SGCZ: variants seen among roughly 807,000 people sequenced by gnomAD.
SGCZ encodes sarcoglycan zeta.
A neutral mutation model predicts 41.3 loss-of-function variants in SGCZ; 40 were observed. That is an observed-to-expected ratio of 0.97 (90% CI 0.75 to 1.26). The LOEUF (loss-of-function observed/expected upper bound fraction) is 1.26. SGCZ is among the 50% of genes most tolerant of loss of function. The probability of loss-of-function intolerance (pLI) is 0.00; values close to 1 mark genes in which losing one functional copy is unlikely to be tolerated. For missense variants in SGCZ, 552 were observed against 369.8 expected (o/e 1.49, Z -4.04); for synonymous variants, 206 against 137.5 (o/e 1.50, Z -3.49).
intron 1 of SGCZ, among the ~76,000 whole-genome samples, chr8:15,065,447 TTA>T (rs1220497002): frequency 1.4e-5 from 2 of 148,030 alleles, no homozygotes; most frequent in Non-Finnish European, 3.0e-5. Flanking sequence ...ATTATTATTA[TTA>T]TTATTATTAT....
intron 1 of SGCZ, among the ~76,000 whole-genome samples, chr8:14,631,469 A>G (rs752718536): frequency 6.6e-6 from 1 of 152,026 alleles, no homozygotes; most frequent in African/African-American, 2.4e-5. Context: ...AGAAATTAGC[A>G]ACTACTTCAA....
At chr8:14,561,776 T>C (rs1168569131) in intron 1 of SGCZ, among the ~76,000 whole-genome samples, 1 of 152,140 alleles carries the variant, frequency 6.6e-6, no homozygotes, top group South Asian at 2.1e-4. Context: ...CACTTTGAAA[T>C]TTCTCTACAA....
At chr8:15,201,699 C>T (rs1261371583) in intron 1 of SGCZ, among the ~76,000 whole-genome samples, 3 of 152,176 alleles carry the variant, frequency 2.0e-5, no homozygotes, top group Non-Finnish European at 4.4e-5. Flanking sequence ...ACTGCAATTA[C>T]ACAACTGGAA....
At chr8:14,290,321 A>G (rs1047293107) in intron 3 of SGCZ, among the ~76,000 whole-genome samples, 1 of 63,180 alleles carries the variant, frequency 1.6e-5, no homozygotes, top group Non-Finnish European at 4.2e-5. Context: ...AGGCAACAAA[A>G]GAAAATATAG....
intron 1 of SGCZ, among the ~76,000 whole-genome samples, chr8:14,621,796 A>G (rs1806295203): frequency 6.6e-6 from 1 of 152,018 alleles, no homozygotes; most frequent in Non-Finnish European, 1.5e-5. Context: ...TCCCCTGACA[A>G]GTTGGGATTA....
intron 7 of SGCZ, among the ~76,000 whole-genome samples, chr8:14,092,851 A>G (rs1257746351): frequency 6.6e-6 from 1 of 152,060 alleles, no homozygotes; most frequent in Non-Finnish European, 1.5e-5. Context: ...CCAATACAGT[A>G]GCTAATCAGC....
intron 1 of SGCZ, among the ~76,000 whole-genome samples, chr8:15,096,994 T>G (rs1396921679): frequency 2.0e-5 from 3 of 152,088 alleles, no homozygotes; most frequent in Non-Finnish European, 4.4e-5. Flanking sequence ...CTTATTTTAT[T>G]TTTTGAGATG....
intron 1 of SGCZ, among the ~76,000 whole-genome samples, chr8:15,231,222 C>T (rs1016109087): frequency 6.6e-6 from 1 of 152,118 alleles, no homozygotes; most frequent in Admixed American, 6.6e-5. Context: ...GCTTTTCTGG[C>T]TGGATGCTAA....
chr8:14,726,307 A>AATAAATATATATATATAT (rs1554488696), intron 1 of SGCZ, among the ~76,000 whole-genome samples: 1 of 75,848 alleles, frequency 1.3e-5, no homozygotes, highest in Non-Finnish European at 3.2e-5. Flanking sequence ...TATATGTGTA[A>AATAAATATATATATATAT]ATACATATAT....
chr8:15,038,248 A>G (rs1284048123), intron 1 of SGCZ, among the ~76,000 whole-genome samples: 1 of 152,160 alleles, frequency 6.6e-6, no homozygotes, highest in Non-Finnish European at 1.5e-5. Context: ...GTAGTGGCAT[A>G]GAAACAGACT....
At chr8:14,287,278 G>A (rs776620163) in intron 3 of SGCZ, among the ~76,000 whole-genome samples, 9 of 151,586 alleles carry the variant, frequency 5.9e-5, no homozygotes, top group Non-Finnish European at 1.2e-4. Flanking sequence ...AGGAAAAAAG[G>A]CGAAAAGGTG....
At chr8:14,715,816 A>C (rs950375708) in intron 1 of SGCZ, among the ~76,000 whole-genome samples, 6 of 152,144 alleles carry the variant, frequency 3.9e-5, no homozygotes, top group African/African-American at 1.4e-4. Flanking sequence ...TCATAGAAAA[A>C]TTCCAATTTA....
At chr8:14,209,386 T>G (rs1322636406) in intron 4 of SGCZ, among the ~76,000 whole-genome samples, 2 of 151,988 alleles carry the variant, frequency 1.3e-5, no homozygotes, top group Non-Finnish European at 2.9e-5. Context: ...TCACTCCTTG[T>G]GTGTGTTTTC....
intron 2 of SGCZ, among the ~76,000 whole-genome samples, chr8:14,420,880 T>C (rs967936628): frequency 1.6e-4 from 24 of 152,190 alleles, no homozygotes; most frequent in Admixed American, 1.6e-3. Context: ...ACTTGCTTTA[T>C]ATTTGTATGC....
rs553482536 is a variant in SGCZ at position 14,604,910 on chromosome 8, G to A, written c.40-49984C>T. ...ACCTTTCAGTAACAGTTACTACAGA[G>A]ATTAAATTAATGAATGACAAATTTC... On this transcript the variant is annotated intron_variant, in intron 1 of 7. Coordinates refer to ENST00000382080, the MANE Select transcript of SGCZ (RefSeq NM_139167.4). 2.4e-4 allele frequency among the ~76,000 whole-genome samples: 37 copies of A among 152,230 alleles called. No homozygotes were observed. The South Asian group carries it at 7.5e-3, about 31-fold the overall frequency.
At chr8:14,520,519 A>G (rs1159057852) in intron 2 of SGCZ, among the ~76,000 whole-genome samples, 4 of 152,150 alleles carry the variant, frequency 2.6e-5, no homozygotes, top group Admixed American at 2.6e-4. Flanking sequence ...AAATGTAACA[A>G]TTCTGCAAGG....
intron 2 of SGCZ, among the ~76,000 whole-genome samples, chr8:14,396,603 G>C (rs937807306): frequency 6.6e-6 from 1 of 151,828 alleles, no homozygotes; most frequent in African/African-American, 2.4e-5. Flanking sequence ...AGATAGACAA[G>C]GCCACCCATT....
intron 5 of SGCZ, among the ~76,000 whole-genome samples, chr8:14,126,694 C>T (rs1050495221): frequency 1.2e-4 from 19 of 152,136 alleles, no homozygotes; most frequent in Non-Finnish European, 2.5e-4. Context: ...CGTATGTTTA[C>T]TGCAACACTA....
intron 1 of SGCZ, among the ~76,000 whole-genome samples, chr8:14,745,881 ACTC>A (rs1365871764): frequency 6.6e-6 from 1 of 151,842 alleles, no homozygotes; most frequent in African/African-American, 2.4e-5. Context: ...AGTTCTGAAA[ACTC>A]CTTCAGGAAA....
Sources: allele counts gnomAD v4.1 joint callset (sites outside exome capture counted in the v4.1 genomes callset), GRCh38; gene constraint gnomAD v4.1.1; transcripts MANE v1.5; gene names NCBI Gene and HGNC (gene_info 2026-07-23, HGNC 2026-07-21).